Variants in CRYBG1 observed in about 807,000 individuals in gnomAD.
CRYBG1 encodes the protein crystallin beta-gamma domain containing 1.
Under a neutral mutation model 189.2 loss-of-function variants are expected in CRYBG1, and 139 were observed. The ratio of observed to expected loss-of-function variants is 0.73; its 90% CI spans 0.64 to 0.85. CRYBG1 has a LOEUF of 0.85. Ranked by LOEUF, CRYBG1 falls within the 40% of genes least tolerant of loss-of-function variation. The pLI is 0.00. For missense variants in CRYBG1, 2,611 were observed against 2,675.8 expected (o/e 0.98, Z 0.53); for synonymous variants, 1,023 against 1,017.1 (o/e 1.01, Z -0.11).
At position 106,439,737 on chromosome 6, in the gene CRYBG1, GA is replaced by G. The variant is rs397951158; in HGVS notation, c.174-11946del. Among the ~76,000 whole-genome samples, 440 of 143,418 alleles carry G rather than the reference GA, an allele frequency of 3.1e-3. 6 individuals are homozygous for G. Among genetic ancestry groups the G allele is most frequent in the East Asian group, 0.011 (56 of 4,958 alleles). The allele number at this position is 143,418 out of a possible 152,430, so 94.1% of individuals were successfully genotyped here. A position where few individuals can be genotyped will look rare whatever the true frequency, so the allele number is the denominator to read the frequency against. On this transcript the variant is annotated intron_variant, in intron 1 of 21. Coordinates refer to ENST00000633556, the MANE Select transcript of CRYBG1 (RefSeq NM_001371242.2). ...AACTTGTTTTGTATCATCCCTGACT[GA>G]AAAAAAAAAAGCATTTGTTTTATAC... is the stretch of plus-strand genomic sequence containing the variant.
intron 2 of CRYBG1, among the ~76,000 whole-genome samples, chr6:106,502,938 C>T (rs1773039310): frequency 1.3e-5 from 2 of 152,206 alleles, no homozygotes; most frequent in South Asian, 4.1e-4. Flanking sequence ...CTCAAAATAA[C>T]ATATGCCTCA....
At chr6:106,546,543 A>T (rs561328060) in intron 13 of CRYBG1, among the ~76,000 whole-genome samples, 3 of 152,110 alleles carry the variant, frequency 2.0e-5, no homozygotes, top group Non-Finnish European at 4.4e-5. Flanking sequence ...TAAATAGAGT[A>T]AAAAAAACCT....
intron 2 of CRYBG1, among the ~76,000 whole-genome samples, chr6:106,480,499 G>GGAAAA (rs769616156): frequency 9.1e-6 from 1 of 109,704 alleles, no homozygotes; most frequent in East Asian, 2.2e-4. Context: ...TTTCTCTACT[G>GGAAAA]AAAAAAAAAA....
intron 1 of CRYBG1, among the ~76,000 whole-genome samples, chr6:106,417,183 C>T (rs1248480778): frequency 6.6e-6 from 1 of 151,032 alleles, no homozygotes; most frequent in East Asian, 1.9e-4. Flanking sequence ...TTTTAAAAGA[C>T]AGGGTCTGAC....
In CRYBG1 at chr6:106,382,955, C is replaced by T. The variant is rs1055792560; in HGVS notation, c.173+21874C>T. ...TTATTATTAAGTAATCTGCTTACTA[C>T]AAAATTATTGATATCTAAGTAGGGC... On this transcript the variant is annotated intron_variant, in intron 1 of 21. Coordinates refer to ENST00000633556, the MANE Select transcript of CRYBG1 (RefSeq NM_001371242.2). Among the ~76,000 whole-genome samples the T allele has an allele frequency of 3.9e-5, 6 of 152,262 alleles. No homozygotes were observed. The South Asian group carries it at 6.2e-4, about 16-fold the overall frequency.
chr6:106,528,602 C>G (rs1227115284), intron 7 of CRYBG1, among the ~76,000 whole-genome samples: 3 of 152,056 alleles, frequency 2.0e-5, no homozygotes, highest in Admixed American at 6.6e-5. Context: ...ATCACACTCC[C>G]CTTGGTAACA....
In CRYBG1 at chr6:106,527,410, G is replaced by C; in HGVS notation, c.4518G>C (p.Arg1506Ser). The change falls in exon 7 of 22, where the codon AGG (arginine) becomes AGC (serine). Residue 1506 changes from arginine to serine, a missense_variant. By Grantham distance (110) the Arg-to-Ser change is moderately radical. Coordinates refer to ENST00000633556, the MANE Select transcript of CRYBG1 (RefSeq NM_001371242.2). ...GGGGTATAGAAGACATTTTGGAAAG[G>C]CACGAAGAAGCAGAGTCTGATAAGC... Reference protein sequence around the residue: ...GLWGIEDILERHEEAESDKPV... With the variant: ...GLWGIEDILESHEEAESDKPV... 2 of 1,613,776 alleles carry C rather than the reference G, an allele frequency of 1.2e-6. No individual in the cohort carries two copies. Among genetic ancestry groups the C allele is most frequent in the Non-Finnish European group, 1.7e-6 (2 of 1,179,800 alleles).
intron 1 of CRYBG1, among the ~76,000 whole-genome samples, chr6:106,430,743 G>A (rs1562304812): frequency 6.6e-6 from 1 of 152,108 alleles, no homozygotes; most frequent in East Asian, 1.9e-4. Context: ...CCTCTCCATG[G>A]GGCGTCTGTA....
chr6:106,428,313 C>T (rs914590112), intron 1 of CRYBG1, among the ~76,000 whole-genome samples: 41 of 152,008 alleles, frequency 2.7e-4, no homozygotes, highest in African/African-American at 9.4e-4. Flanking sequence ...TAACTATCTC[C>T]ACTCTTCTCA....
At chr6:106,464,715 G>A (rs1200802616) in intron 2 of CRYBG1, among the ~76,000 whole-genome samples, 1 of 152,068 alleles carries the variant, frequency 6.6e-6, no homozygotes, top group Non-Finnish European at 1.5e-5. Context: ...CCAGTGCAGA[G>A]GATTTTGCCC....
At chr6:106,516,504 G>T (rs773106054) in intron 3 of CRYBG1, among the ~76,000 whole-genome samples, 2 of 152,206 alleles carry the variant, frequency 1.3e-5, no homozygotes, top group African/African-American at 2.4e-5. Context: ...AAAGTGTAGG[G>T]ATTACAAGCA....
chr6:106,530,883 A>G lies in CRYBG1; in HGVS notation c.4718+568A>G, dbSNP rs890732981. On this transcript the variant is annotated intron_variant, in intron 8 of 21. Transcript: ENST00000633556. ...CTCCAAAGTGAAGCACAAAGCCCCA[A>G]GGCATGTGAAAGACATTCACTGAGA... is the stretch of plus-strand genomic sequence containing the variant. Among the ~76,000 whole-genome samples, 7 of 152,374 alleles carry G rather than the reference A, an allele frequency of 4.6e-5. No homozygotes were observed. The East Asian group carries it at 1.2e-3, about 25-fold the overall frequency.
chr6:106,427,637 C>T (rs551767889), intron 1 of CRYBG1, among the ~76,000 whole-genome samples: 1 of 152,278 alleles, frequency 6.6e-6, no homozygotes, highest in African/African-American at 2.4e-5. Flanking sequence ...ACTGTCTCCA[C>T]CGAAGTCAGT....
intron 1 of CRYBG1, among the ~76,000 whole-genome samples, chr6:106,412,534 C>T (rs552587977): frequency 6.6e-6 from 1 of 151,884 alleles, no homozygotes; most frequent in Admixed American, 6.6e-5. Context: ...ACTGTTTTAC[C>T]CCACACATGT....
At chr6:106,399,993 C>T (rs1312863791) in intron 1 of CRYBG1, among the ~76,000 whole-genome samples, 2 of 151,662 alleles carry the variant, frequency 1.3e-5, no homozygotes, top group Non-Finnish European at 2.9e-5. Flanking sequence ...AAAAATTAGC[C>T]AGGCGTGGTG....
chr6:106,454,348 A>T (rs1043213886), intron 2 of CRYBG1, among the ~76,000 whole-genome samples: 1 of 152,002 alleles, frequency 6.6e-6, no homozygotes, highest in Non-Finnish European at 1.5e-5. Context: ...GAAGTGCAAG[A>T]CCCCACCTAC....
intron 1 of CRYBG1, among the ~76,000 whole-genome samples, chr6:106,406,936 A>G (rs28845865): frequency 4.1e-3 from 618 of 152,332 alleles, no homozygotes; most frequent in African/African-American, 0.014. Flanking sequence ...AAACATACCA[A>G]ATTGTAAAGA....
intron 11 of CRYBG1, 124 bp from the exon 12 acceptor site, chr6:106,544,447 T>C (rs1283117749): frequency 8.8e-7 from 1 of 1,136,966 alleles, no homozygotes; most frequent in African/African-American, 1.6e-5. Context: ...ATTCCAATGA[T>C]AATAAAGCAG....
intron 6 of CRYBG1, 76 bp from the exon 7 acceptor site, chr6:106,527,229 A>G (rs1773760174): frequency 1.5e-5 from 19 of 1,310,158 alleles, no homozygotes; most frequent in Non-Finnish European, 2.0e-5. Context: ...TAAAATGGCA[A>G]TTAGCCAGGT....
Sources: allele counts gnomAD v4.1 joint callset (sites outside exome capture counted in the v4.1 genomes callset), GRCh38; gene constraint gnomAD v4.1.1; transcripts MANE v1.5; gene names NCBI Gene and HGNC (gene_info 2026-07-23, HGNC 2026-07-21).